PDS5B: variants seen among roughly 807,000 people sequenced by gnomAD.
PDS5B encodes the protein PDS5 cohesin associated factor B.
A neutral mutation model predicts 184.1 loss-of-function variants in PDS5B; 51 were observed. The ratio of observed to expected loss-of-function variants is 0.28; its 90% CI spans 0.22 to 0.35. The LOEUF is 0.35. Among genes scored for constraint, PDS5B ranks in the 10% least tolerant of loss-of-function variants. The pLI, the probability that PDS5B is intolerant of heterozygous loss-of-function variation, is 1.00. For synonymous variants in PDS5B, 566 were observed against 569.2 expected, an observed-to-expected ratio of 0.99 and a Z score of 0.08; for missense variants, 1,180 against 1,723.3, an observed-to-expected ratio of 0.68 and a Z score of 5.58.
At chr13:32,632,143 C>A (rs182454078) in intron 1 of PDS5B, among the ~76,000 whole-genome samples, 2 of 152,150 alleles carry the variant, frequency 1.3e-5, no homozygotes, top group Admixed American at 1.3e-4. Context: ...ATTTTATGAA[C>A]CTGAATTTAT....
chr13:32,774,981 C>T (rs770526130), intron 34 of PDS5B, 36 bp from the exon 35 acceptor site: 1 of 1,581,792 alleles, frequency 6.3e-7, no homozygotes, highest in South Asian at 1.1e-5. Context: ...CACATATACC[C>T]ATTTTAATTA....
intron 19 of PDS5B, among the ~76,000 whole-genome samples, chr13:32,720,646 A>C (rs1952640340): frequency 2.0e-5 from 3 of 149,938 alleles, no homozygotes; most frequent in Admixed American, 1.3e-4. Context: ...TTTTTTTTTA[A>C]AATTTTTTTA....
chr13:32,724,880 A>G (rs543007376), intron 19 of PDS5B, among the ~76,000 whole-genome samples: 1 of 152,264 alleles, frequency 6.6e-6, no homozygotes, highest in African/African-American at 2.4e-5. Flanking sequence ...GTGCCTGGCC[A>G]TATTTCTTTA....
chr13:32,735,829 G>GA (rs1953311304), intron 21 of PDS5B, among the ~76,000 whole-genome samples: 1 of 152,106 alleles, frequency 6.6e-6, no homozygotes, highest in African/African-American at 2.4e-5. Flanking sequence ...AGAATTAAAA[G>GA]AAACATGAGA....
At chr13:32,701,286 A>G (rs1951854462) in intron 16 of PDS5B, 37 bp from the exon 17 acceptor site, 2 of 1,062,316 alleles carry the variant, frequency 1.9e-6, no homozygotes. Flanking sequence ...ATTTGTTTAA[A>G]TGTACTTTTG....
chr13:32,770,620 G>C (rs1407456978), intron 32 of PDS5B, 34 bp from the exon 33 acceptor site: 3 of 1,599,908 alleles, frequency 1.9e-6, no homozygotes, highest in Non-Finnish European at 2.6e-6. Context: ...ATCATAATTT[G>C]ATGCTATCCA....
At chr13:32,679,912 TGTG>T (rs1566319070) in intron 10 of PDS5B, among the ~76,000 whole-genome samples, 87 of 148,900 alleles carry the variant, frequency 5.8e-4, no homozygotes, top group African/African-American at 2.2e-3. Flanking sequence ...TGTGTGTGTG[TGTG>T]TCTGTTTCTA....
chr13:32,771,528 T>A (rs555717908), intron 33 of PDS5B, among the ~76,000 whole-genome samples: 2,721 of 19,686 alleles, frequency 0.14, 82 homozygotes, highest in African/African-American at 0.39. Flanking sequence ...AATTACATCA[T>A]GGCTCGACTT....
At chr13:32,711,375 T>A (rs1177305088) in intron 19 of PDS5B, among the ~76,000 whole-genome samples, 1 of 152,054 alleles carries the variant, frequency 6.6e-6, no homozygotes, top group Non-Finnish European at 1.5e-5. Flanking sequence ...TATTTGGAAC[T>A]GACTTGAAGT....
At chr13:32,611,004 T>C (rs1402394992) in intron 1 of PDS5B, among the ~76,000 whole-genome samples, 2 of 151,972 alleles carry the variant, frequency 1.3e-5, no homozygotes, top group African/African-American at 4.8e-5. Flanking sequence ...TTTTTTTTTT[T>C]CATAAAGTAG....
chr13:32,622,770 T>C (rs1489586513), intron 1 of PDS5B, among the ~76,000 whole-genome samples: 1 of 152,218 alleles, frequency 6.6e-6, no homozygotes, highest in African/African-American at 2.4e-5. Context: ...TGATGGCTTC[T>C]GTATGTGTTA....
intron 19 of PDS5B, among the ~76,000 whole-genome samples, chr13:32,711,987 A>C (rs1952221918): frequency 6.6e-6 from 1 of 152,216 alleles, no homozygotes; most frequent in Non-Finnish European, 1.5e-5. Context: ...ACAGCTAGCA[A>C]GTGACAGAGC....
chr13:32,753,135 C>G (rs1181130782), intron 24 of PDS5B, among the ~76,000 whole-genome samples, 197 bp from the exon 25 acceptor site: 2 of 152,064 alleles, frequency 1.3e-5, no homozygotes, highest in Non-Finnish European at 2.9e-5. Context: ...CTAACTGGTA[C>G]TTATTAGGGC....
At position 32,758,598 on chromosome 13, in the gene PDS5B, T is replaced by C. The variant is rs1258137004; in HGVS notation, c.3254T>C (p.Leu1085Ser). Residue 1085 changes from leucine (L) to serine (S), a missense_variant, in exon 28 of 35, where the codon TTG becomes TCG. Leu to Ser is a moderately radical substitution (Grantham distance 145). Transcript: ENST00000315596. ...ATGTCAAAGAGTACTACATACAGTT[T>C]GGAATCTCCTAAAGACCCGGTACTA... ...IIMSKSTTYSLESPKDPVLPA... is the reference protein window; with the variant it reads ...IIMSKSTTYSSESPKDPVLPA... The C allele has an allele frequency of 6.2e-7, 1 of 1,612,846 alleles. No individual in the cohort carries two copies. The highest frequency in any genetic ancestry group is 1.3e-5 in the African/African-American group (1 of 74,898).
rs1056560928 is a variant in PDS5B, at chr13:32,777,923, A to C, written c.*2871A>C. 1 of 152,450 alleles carries C rather than the reference A, an allele frequency of 6.6e-6. No individual in the cohort carries two copies. Among genetic ancestry groups the C allele is most frequent in the Admixed American group, 6.6e-5 (1 of 15,266 alleles). The allele number at this position is 152,450 out of a possible 1,614,324, so 9.4% of individuals were successfully genotyped here. ...AGGCATATCTCTGCCATCACATAGTATTATGTCACCATAATGAACAATTGC... is the reference window on the plus strand; with the variant it reads ...AGGCATATCTCTGCCATCACATAGTCTTATGTCACCATAATGAACAATTGC... On this transcript the variant is annotated 3_prime_UTR_variant, in exon 35 of 35. Coordinates refer to ENST00000315596, the MANE Select transcript of PDS5B (RefSeq NM_015032.4).
chr13:32,706,682 T>C (rs1405983800), intron 17 of PDS5B, among the ~76,000 whole-genome samples: 1 of 152,182 alleles, frequency 6.6e-6, no homozygotes, highest in Non-Finnish European at 1.5e-5. Context: ...AAGATATTGA[T>C]AGCATTAATA....
At chr13:32,659,343 G>T in intron 6 of PDS5B, 63 bp downstream of exon 6, 2 of 1,265,578 alleles carry the variant, frequency 1.6e-6, no homozygotes, top group Admixed American at 2.4e-5. Context: ...TAAAATTTGT[G>T]CTTAGGTTCT....
At chr13:32,757,424 C>T (rs1954223085) in intron 26 of PDS5B, among the ~76,000 whole-genome samples, 1 of 152,130 alleles carries the variant, frequency 6.6e-6, no homozygotes, top group African/African-American at 2.4e-5. Context: ...TTCTCTCCTC[C>T]TTCTCCCATT....
At chr13:32,601,010 G>A (rs2057966017) in intron 1 of PDS5B, among the ~76,000 whole-genome samples, 1 of 152,066 alleles carries the variant, frequency 6.6e-6, no homozygotes, top group Admixed American at 6.6e-5. Context: ...TGATTTTCTA[G>A]CCACTTTGTA....
Sources: allele counts gnomAD v4.1 joint callset (sites outside exome capture counted in the v4.1 genomes callset), GRCh38; gene constraint gnomAD v4.1.1; transcripts MANE v1.5; gene names NCBI Gene and HGNC (gene_info 2026-07-23, HGNC 2026-07-21).